The following TFEB variants were observed in gnomAD, a reference collection of about 807,000 sequenced individuals.
TFEB encodes the protein T-cell transcription factor EB.
Under a neutral mutation model 48.0 loss-of-function variants are expected in TFEB, and 12 were observed. The observed-to-expected ratio is 0.25, with a 90% confidence interval of 0.16 to 0.40. TFEB has a LOEUF of 0.40. Among genes scored for constraint, TFEB ranks in the 10% least tolerant of loss-of-function variants. The probability of loss-of-function intolerance (pLI) is 1.00; values close to 1 mark genes in which losing one functional copy is unlikely to be tolerated. For synonymous variants in TFEB, 244 were observed against 261.4 expected (o/e 0.93, Z 0.64); for missense variants, 509 against 640.3 (o/e 0.79, Z 2.21).
chr6:41,701,998 A>G (rs1450175069), intron 1 of TFEB, among the ~76,000 whole-genome samples: 1 of 151,878 alleles, frequency 6.6e-6, no homozygotes, highest in Non-Finnish European at 1.5e-5. Context: ...ACACTGCAAG[A>G]GCACAGTGAA....
At chr6:41,707,265 C>T (rs1425392499) in intron 1 of TFEB, among the ~76,000 whole-genome samples, 5 of 152,194 alleles carry the variant, frequency 3.3e-5, no homozygotes, top group Admixed American at 1.3e-4. Context: ...ATCCAAGTGG[C>T]GGAGTGGGGA....
rs554828374 is a variant in TFEB at position 41,697,427 on chromosome 6, A to G, written c.-22-6192T>C. Among the ~76,000 whole-genome samples the G allele has an allele frequency of 1.2e-4, 18 of 145,280 alleles. 1 individual carries two copies. The South Asian group carries it at 2.6e-3, about 21-fold the overall frequency. On this transcript the variant is annotated intron_variant, in intron 1 of 8. Transcript: ENST00000373033. ...CCATCTCAAAAAAAAAAAAAAAAAA[A>G]GAATGAGGGCAGACGTTAAATAGTT...
Position 41,690,756 on chromosome 6 carries a change from C to A in TFEB, c.375G>T (p.Val125=), listed in dbSNP as rs377491210. 3 of 1,606,888 alleles carry A rather than the reference C, an allele frequency of 1.9e-6. No homozygotes were observed. Among genetic ancestry groups the A allele is most frequent in the Admixed American group, 1.7e-5 (1 of 59,510 alleles). Residue 125 remains valine (V), a synonymous_variant, in exon 3 of 9, where the codon GTG becomes GTT. Coordinates refer to ENST00000373033, the MANE Select transcript of TFEB (RefSeq NM_001271944.2). ...PKPPPAASPG[V]RAGHVLSSSA... ...AGGAGGACAGCACGTGTCCAGCTCG[C>A]ACCCCTGGGGAGGCGGCTGGTGGGG...
Position 41,733,638 on chromosome 6 carries a change from G to A in TFEB, c.-23+1712C>T, listed in dbSNP as rs939546531. The A allele has an allele frequency of 6.1e-6, 6 of 985,332 alleles. No individual in the cohort carries two copies. In the African/African-American group the frequency reaches 7.0e-5, roughly 11 times the overall value. 61.0% of individuals were successfully genotyped at this position (985,332 alleles called of 1,614,324 possible). ...CGAGTTGCTCGTGGTCCTGGGGCTG[G>A]GGTCACCGGCATGGTGAAAGCATAC... On this transcript the variant is annotated intron_variant, in intron 1 of 8. Coordinates refer to ENST00000373033, the MANE Select transcript of TFEB (RefSeq NM_001271944.2).
intron 1 of TFEB, among the ~76,000 whole-genome samples, chr6:41,728,685 G>C (rs1280415305): frequency 6.6e-6 from 1 of 152,148 alleles, no homozygotes; most frequent in East Asian, 1.9e-4. Context: ...CTCGGGGAGG[G>C]GGGGTTGGGG....
intron 1 of TFEB, among the ~76,000 whole-genome samples, chr6:41,709,354 T>C (rs1239439839): frequency 6.6e-6 from 1 of 152,220 alleles, no homozygotes; most frequent in African/African-American, 2.4e-5. Flanking sequence ...TAGGACAATA[T>C]CCACCCTGGA....
rs1314365827 is a variant in TFEB, at chr6:41,723,147, A to G, written c.-23+12203T>C. ...TAAGCCTGGAGAGATGAGGAAACTG[A>G]AGCACAACTCTGGCTGACTCCTGAT... On this transcript the variant is annotated intron_variant, in intron 1 of 8. Coordinates refer to ENST00000373033, the MANE Select transcript of TFEB (RefSeq NM_001271944.2). This position sits in a 1 kb window ranked among gnomAD's most constrained non-coding sequence, Gnocchi z 6.0. 6.6e-6 allele frequency among the ~76,000 whole-genome samples: 1 copy of G among 152,070 alleles called. No homozygotes were observed. Among genetic ancestry groups the G allele is most frequent in the East Asian group, 1.9e-4 (1 of 5,200 alleles).
At chr6:41,713,722 A>G (rs1770587944) in intron 1 of TFEB, among the ~76,000 whole-genome samples, 1 of 151,950 alleles carries the variant, frequency 6.6e-6, no homozygotes, top group African/African-American at 2.4e-5. Flanking sequence ...ATCATTTTCT[A>G]TTCTCCCCAG....
chr6:41,703,913 C>T (rs1178320142), intron 1 of TFEB, among the ~76,000 whole-genome samples: 2 of 152,182 alleles, frequency 1.3e-5, no homozygotes, highest in East Asian at 1.9e-4. Context: ...CGAGGTCACA[C>T]AGTTGGTAGG....
chr6:41,685,265 G>A (rs2842642), intron 8 of TFEB, among the ~76,000 whole-genome samples, 187 bp from the exon 9 acceptor site: 3,550 of 152,282 alleles, frequency 0.023, 138 homozygotes, highest in African/African-American at 0.078. Flanking sequence ...ACTACAAGTC[G>A]TAACTCATTA....
At chr6:41,703,943 G>A (rs553082825) in intron 1 of TFEB, among the ~76,000 whole-genome samples, 1 of 152,294 alleles carries the variant, frequency 6.6e-6, no homozygotes, top group African/African-American at 2.4e-5. Flanking sequence ...TGGGGCACCT[G>A]GTCTCCCCAC....
intron 4 of TFEB, chr6:41,688,229 G>T: frequency 1.7e-6 from 1 of 582,754 alleles, no homozygotes; most frequent in Non-Finnish European, 2.9e-6. Flanking sequence ...TGCCCTCAAG[G>T]AGCCCCTGGC....
chr6:41,691,303 G>A lies in TFEB; in HGVS notation c.-22-68C>T, dbSNP rs535945681. On this transcript the variant is annotated intron_variant, in intron 1 of 8. Coordinates refer to ENST00000373033, the MANE Select transcript of TFEB (RefSeq NM_001271944.2). This position sits in a 1 kb window ranked among gnomAD's most constrained non-coding sequence, Gnocchi z 5.2. The stretch of plus-strand genomic sequence containing the variant: ...TCCTCAAAGCACAGGGGCTGGCAGG[G>A]GGAGGCCAGAATGACTGGGACCGCA... 2.8e-4 allele frequency: 413 copies of A among 1,478,258 alleles called. 4 individuals carry two copies. In the South Asian group the frequency reaches 4.0e-3, roughly 14 times the overall value. 91.6% of individuals were successfully genotyped at this position (1,478,258 alleles called of 1,614,324 possible).
chr6:41,703,873 A>G (rs975261542), intron 1 of TFEB, among the ~76,000 whole-genome samples: 3 of 152,158 alleles, frequency 2.0e-5, no homozygotes, highest in African/African-American at 7.2e-5. Flanking sequence ...AGAGGGGGCA[A>G]CTGAGTCACA....
Position 41,723,638 on chromosome 6 carries a change from T to G in TFEB, c.-23+11712A>C. On this transcript the variant is annotated intron_variant, in intron 1 of 8. Transcript: ENST00000373033. This position sits in a 1 kb window ranked among gnomAD's most constrained non-coding sequence, Gnocchi z 6.0. ...CTGGAGAGGAAGTTGCACAATCCCC[T>G]GGGAGCTGCAAATGCGGCCGAGGAT... is the stretch of plus-strand genomic sequence containing the variant. 1 of 946,022 alleles carries G rather than the reference T, an allele frequency of 1.1e-6. No homozygotes were observed. The highest frequency in any genetic ancestry group is 1.4e-6 in the Non-Finnish European group (1 of 711,168). 58.6% of individuals were successfully genotyped at this position (946,022 alleles called of 1,614,324 possible).
At chr6:41,699,454 G>C (rs569300387) in intron 1 of TFEB, among the ~76,000 whole-genome samples, 1 of 152,238 alleles carries the variant, frequency 6.6e-6, no homozygotes. Flanking sequence ...TTACTAGATA[G>C]GGGCAGGAAG....
rs545628080 is a variant in TFEB, at chr6:41,706,567, C to T, written c.-22-15332G>A. The stretch of plus-strand genomic sequence containing the variant: ...TCTGGGAAGAGCTAACAGGGGCCCA[C>T]CCCAGGATTCCCAAATGCTGTCAGC... On this transcript the variant is annotated intron_variant, in intron 1 of 8. Coordinates refer to ENST00000373033, the MANE Select transcript of TFEB (RefSeq NM_001271944.2). Among the ~76,000 whole-genome samples the T allele has an allele frequency of 2.0e-4, 31 of 151,692 alleles. 1 individual carries two copies. The South Asian group carries it at 6.3e-3, about 31-fold the overall frequency.
Position 41,686,082 on chromosome 6 carries a change from G to A in TFEB, c.951+8C>T, listed in dbSNP as rs1768983863. 6.2e-7 allele frequency: 1 copy of A among 1,614,238 alleles called. No homozygotes were observed. On this transcript the variant is annotated splice_region_variant and intron_variant, in intron 8 of 8. Coordinates refer to ENST00000373033, the MANE Select transcript of TFEB (RefSeq NM_001271944.2). ...AGTTACCAAAGAAGTCCAAGTTCAGGACCAGACCTGGATACGGAGCCAGAG... is the reference window on the plus strand; with the variant it reads ...AGTTACCAAAGAAGTCCAAGTTCAGAACCAGACCTGGATACGGAGCCAGAG...
intron 4 of TFEB, among the ~76,000 whole-genome samples, chr6:41,689,083 C>A (rs188739485): frequency 6.6e-6 from 1 of 152,206 alleles, no homozygotes; most frequent in African/African-American, 2.4e-5. Context: ...AGAGCATCAC[C>A]CCCATTTTGC....
Sources: gnomAD v4.1 joint callset for allele counts (sites outside exome capture counted in the v4.1 genomes callset) on GRCh38, gnomAD v4.1.1 for gene constraint, Gnocchi (gnomAD v3.1) non-coding constraint, MANE v1.5 for transcripts, NCBI Gene and HGNC (gene_info 2026-07-23, HGNC 2026-07-21) for gene names.